The following PCDH15 variants were observed in gnomAD, a reference collection of about 807,000 sequenced individuals.
The protein encoded by PCDH15 is protocadherin-15.
A neutral mutation model predicts 178.5 loss-of-function variants in PCDH15; 129 were observed. That is an observed-to-expected ratio of 0.72 (90% CI 0.63 to 0.84). The LOEUF is 0.84. Among genes scored for constraint, PCDH15 ranks in the 40% least tolerant of loss-of-function variants. PCDH15 has a pLI of 0.00. For missense variants in PCDH15, 2,230 were observed against 2,099.9 expected, an observed-to-expected ratio of 1.06 and a Z score of -1.21; for synonymous variants, 800 against 732.0, an observed-to-expected ratio of 1.09 and a Z score of -1.50.
At chr10:54,828,872 G>C (rs561454292) in intron 3 of PCDH15, among the ~76,000 whole-genome samples, 1 of 152,106 alleles carries the variant, frequency 6.6e-6, no homozygotes, top group South Asian at 2.1e-4. Context: ...AAGGAGGTTA[G>C]GGAGTCCTTT....
chr10:55,428,362 A>T (rs944726751), intron 2 of PCDH15, among the ~76,000 whole-genome samples: 1 of 151,676 alleles, frequency 6.6e-6, no homozygotes, highest in African/African-American at 2.4e-5. Context: ...AAAATTCAGG[A>T]CACTTATTGT....
chr10:54,316,529 T>TAC (rs35604056), intron 8 of PCDH15, among the ~76,000 whole-genome samples: 5,068 of 132,130 alleles, frequency 0.038, 94 homozygotes, highest in South Asian at 0.076. Flanking sequence ...AATATGTGTA[T>TAC]ACACACACAC....
chr10:54,266,443 TA>T (rs1020109210), intron 8 of PCDH15, among the ~76,000 whole-genome samples: 1 of 149,326 alleles, frequency 6.7e-6, no homozygotes, highest in Non-Finnish European at 1.5e-5. Flanking sequence ...CATAAGAAAA[TA>T]AATAACAAAA....
intron 2 of PCDH15, among the ~76,000 whole-genome samples, chr10:55,326,133 T>G (rs545950488): frequency 1.3e-5 from 2 of 152,260 alleles, no homozygotes; most frequent in African/African-American, 4.8e-5. Context: ...ACCTTGCTGG[T>G]GGGAATGTAA....
intron 1 of PCDH15, among the ~76,000 whole-genome samples, chr10:55,291,465 C>T (rs1588884887): frequency 6.6e-6 from 1 of 152,122 alleles, no homozygotes; most frequent in Non-Finnish European, 1.5e-5. Context: ...TTTAAAATGA[C>T]AACAGCACTT....
chr10:55,296,205 G>T (rs1380377998), intron 1 of PCDH15, among the ~76,000 whole-genome samples: 2 of 152,154 alleles, frequency 1.3e-5, no homozygotes, highest in African/African-American at 4.8e-5. Flanking sequence ...CAACCCAGAA[G>T]CTCTGTGAAC....
Position 53,986,902 on chromosome 10 carries a change from G to A in PCDH15, c.2868+8747C>T, listed in dbSNP as rs530931366. ...TCATTTTCCAGATGCCAGAACTGAG[G>A]GTTACAGTAAATTAAGTGACTTGAC... On this transcript the variant is annotated intron_variant, in intron 21 of 37. Transcript: ENST00000644397. 7.9e-4 allele frequency among the ~76,000 whole-genome samples: 120 copies of A among 152,236 alleles called. 2 individuals carry two copies. Among genetic ancestry groups the A allele is most frequent in the Admixed American group, 7.8e-3 (119 of 15,282 alleles).
intron 1 of PCDH15, among the ~76,000 whole-genome samples, chr10:54,762,425 A>G (rs1948002390): frequency 6.6e-6 from 1 of 152,130 alleles, no homozygotes; most frequent in African/African-American, 2.4e-5. Flanking sequence ...GTGACAATGA[A>G]GAAAATAAAG....
chr10:54,635,401 C>T (rs946060158), intron 2 of PCDH15, among the ~76,000 whole-genome samples: 5 of 144,986 alleles, frequency 3.4e-5, no homozygotes, highest in African/African-American at 9.9e-5. Context: ...TATATATATG[C>T]ACACACATAA....
chr10:54,442,414 C>CCATA (rs1554972759), intron 3 of PCDH15, among the ~76,000 whole-genome samples: 3 of 19,164 alleles, frequency 1.6e-4, no homozygotes, highest in African/African-American at 2.0e-4. Flanking sequence ...GCCTTAAAGG[C>CCATA]TATATATATA....
chr10:54,128,265 G>T (rs1435679409), intron 15 of PCDH15, among the ~76,000 whole-genome samples: 2 of 152,054 alleles, frequency 1.3e-5, no homozygotes, highest in Non-Finnish European at 2.9e-5. Flanking sequence ...ATCTTGATAT[G>T]CATACCTCTC....
chr10:53,919,517 C>T (rs2083815743), intron 25 of PCDH15, among the ~76,000 whole-genome samples: 1 of 152,122 alleles, frequency 6.6e-6, no homozygotes, highest in African/African-American at 2.4e-5. Flanking sequence ...CCTGTAATAA[C>T]ATTGTACATA....
At chr10:55,432,813 A>T (rs1336057897) in intron 2 of PCDH15, among the ~76,000 whole-genome samples, 1 of 151,460 alleles carries the variant, frequency 6.6e-6, no homozygotes, top group Non-Finnish European at 1.5e-5. Flanking sequence ...TTTAGTAGAG[A>T]TGGCGTTTAA....
At chr10:54,089,212 T>A (rs2094561165) in intron 16 of PCDH15, among the ~76,000 whole-genome samples, 1 of 152,194 alleles carries the variant, frequency 6.6e-6, no homozygotes, top group African/African-American at 2.4e-5. Context: ...TGTTCCTGAG[T>A]CTGATGTGGC....
At chr10:53,821,805 T>C (rs2076284894) in intron 32 of PCDH15, 1 of 1,606,134 alleles carries the variant, frequency 6.2e-7, no homozygotes, top group South Asian at 1.1e-5. Context: ...GATGTTCAAC[T>C]TGAAGACTAT....
chr10:54,875,873 T>C (rs1954130672), intron 3 of PCDH15, among the ~76,000 whole-genome samples: 1 of 152,102 alleles, frequency 6.6e-6, no homozygotes, highest in Non-Finnish European at 1.5e-5. Flanking sequence ...CTGCAGCAGG[T>C]TATCCAGAAA....
intron 8 of PCDH15, among the ~76,000 whole-genome samples, chr10:54,304,100 C>A (rs11004211): frequency 0.26 from 39,787 of 151,902 alleles, 6,545 homozygotes; most frequent in Middle Eastern, 0.38. Context: ...TCATACCAAT[C>A]ATATTTATTC....
intron 11 of PCDH15, among the ~76,000 whole-genome samples, chr10:54,194,610 A>ATATGTGTG: frequency 6.6e-6 from 1 of 150,832 alleles, no homozygotes; most frequent in African/African-American, 2.4e-5. Flanking sequence ...TTTTATATAT[A>ATATGTGTG]TGTGTGTGTG....
intron 8 of PCDH15, among the ~76,000 whole-genome samples, chr10:54,284,060 C>G (rs1195944511): frequency 6.6e-6 from 1 of 152,062 alleles, no homozygotes; most frequent in Non-Finnish European, 1.5e-5. Context: ...GTCTTGAACT[C>G]CTGGCCTCAA....
Sources: allele counts gnomAD v4.1 joint callset (sites outside exome capture counted in the v4.1 genomes callset), GRCh38; gene constraint gnomAD v4.1.1; transcripts MANE v1.5; gene names NCBI Gene and HGNC (gene_info 2026-07-23, HGNC 2026-07-21).